Variants in CHD7 observed in about 807,000 individuals in gnomAD.
CHD7 encodes the protein ATP-dependent chromatin remodeler CHD7.
CHD7 carries 24 observed loss-of-function variants against 307.3 expected under a neutral mutation model. The observed-to-expected ratio is 0.08, with a 90% confidence interval of 0.06 to 0.11. CHD7 has a LOEUF of 0.11. Among genes scored for constraint, CHD7 ranks in the 10% least tolerant of loss-of-function variants. CHD7 has a pLI of 1.00. For missense variants in CHD7, 3,106 were observed against 3,727.1 expected (o/e 0.83, Z 4.34); for synonymous variants, 1,363 against 1,349.9 (o/e 1.01, Z -0.21).
At chr8:60,788,103 T>C (rs1811589162) in intron 3 of CHD7, among the ~76,000 whole-genome samples, 1 of 151,798 alleles carries the variant, frequency 6.6e-6, no homozygotes, top group Non-Finnish European at 1.5e-5. Context: ...ATTACAGGTG[T>C]GATCACTGCA....
At position 60,830,587 on chromosome 8, in the gene CHD7, C is replaced by T. The variant is rs756438089; in HGVS notation, c.3778+10C>T. ...CCGTACCTTATCAATGGTAAGGCTG[C>T]CCTGCTCGCGAACTTGCTTAAGTGA... On this transcript the variant is annotated intron_variant, in intron 15 of 37. Transcript: ENST00000423902. 11 of 1,608,610 alleles carry T rather than the reference C, an allele frequency of 6.8e-6. No homozygotes were observed. The East Asian group carries it at 1.3e-4, about 20-fold the overall frequency.
chr8:60,715,558 A>T (rs924070892), intron 1 of CHD7, among the ~76,000 whole-genome samples: 1 of 151,946 alleles, frequency 6.6e-6, no homozygotes, highest in Non-Finnish European at 1.5e-5. Flanking sequence ...ATCTCAGGGG[A>T]TCCGCCTGCC....
intron 2 of CHD7, among the ~76,000 whole-genome samples, chr8:60,774,008 T>G (rs747218402): frequency 6.6e-6 from 1 of 152,232 alleles, no homozygotes; most frequent in Non-Finnish European, 1.5e-5. Context: ...GGTTAGGATC[T>G]TAAATAGAAG....
At chr8:60,793,954 C>CT (rs1189822398) in intron 3 of CHD7, among the ~76,000 whole-genome samples, 1 of 152,098 alleles carries the variant, frequency 6.6e-6, no homozygotes, top group Non-Finnish European at 1.5e-5. Flanking sequence ...GAAAGCCCGT[C>CT]TCTACTAAAA....
At chr8:60,799,900 C>T (rs1812212427) in intron 4 of CHD7, among the ~76,000 whole-genome samples, 3 of 152,090 alleles carry the variant, frequency 2.0e-5, no homozygotes, top group African/African-American at 7.2e-5. Context: ...CTCCAGATTT[C>T]CACCCATTTC....
At chr8:60,690,948 G>A (rs1310431588) in intron 1 of CHD7, among the ~76,000 whole-genome samples, 1 of 151,958 alleles carries the variant, frequency 6.6e-6, no homozygotes, top group African/African-American at 2.4e-5. Context: ...TCTTTTTGAC[G>A]GAGTCCTGCT....
At chr8:60,712,949 G>T (rs1028221884) in intron 1 of CHD7, among the ~76,000 whole-genome samples, 4 of 151,044 alleles carry the variant, frequency 2.6e-5, no homozygotes, top group Non-Finnish European at 4.4e-5. Context: ...TACCTGGGGG[G>T]CTGAGACAGG....
intron 3 of CHD7, among the ~76,000 whole-genome samples, chr8:60,783,232 A>G (rs939455705): frequency 6.6e-6 from 1 of 152,232 alleles, no homozygotes; most frequent in Non-Finnish European, 1.5e-5. Flanking sequence ...TTAAAAACTT[A>G]CTTAGCATAC....
At chr8:60,848,027 T>A (rs1467307819) in intron 23 of CHD7, among the ~76,000 whole-genome samples, 1 of 152,174 alleles carries the variant, frequency 6.6e-6, no homozygotes, top group Non-Finnish European at 1.5e-5. Flanking sequence ...TATTGAGGGT[T>A]TATTGTAAGG....
At chr8:60,863,648 A>G (rs911184400) in intron 37 of CHD7, 1 of 152,162 alleles carries the variant, frequency 6.6e-6, no homozygotes, top group African/African-American at 2.4e-5. Context: ...AATATCCAAA[A>G]TAACACATTA....
In CHD7 at chr8:60,738,243, A is replaced by G. The variant is rs111881832; in HGVS notation, c.-174-3016A>G. Among the ~76,000 whole-genome samples, 478 of 152,362 alleles carry G rather than the reference A, an allele frequency of 3.1e-3. 2 individuals carry two copies. The highest frequency in any genetic ancestry group is 5.3e-3 in the Non-Finnish European group (359 of 68,040). The stretch of plus-strand genomic sequence containing the variant: ...ATTACATACTGGGTTTCAAAGACTC[A>G]ATACCAAAATACGTAAACTAGCTTA... On this transcript the variant is annotated intron_variant, in intron 1 of 37. Transcript: ENST00000423902.
intron 1 of CHD7, among the ~76,000 whole-genome samples, chr8:60,718,564 T>C (rs1362949534): frequency 6.6e-6 from 1 of 152,156 alleles, no homozygotes; most frequent in South Asian, 2.1e-4. Context: ...AATAAAGATA[T>C]AAAGAAAGAA....
chr8:60,727,676 A>G (rs1005205445), intron 1 of CHD7, among the ~76,000 whole-genome samples: 5 of 151,840 alleles, frequency 3.3e-5, no homozygotes, highest in Admixed American at 6.6e-5. Context: ...GTCATTCTAA[A>G]TATGCTTTTG....
chr8:60,695,051 C>T (rs1806400995), intron 1 of CHD7, among the ~76,000 whole-genome samples: 1 of 152,002 alleles, frequency 6.6e-6, no homozygotes, highest in African/African-American at 2.4e-5. Flanking sequence ...AAAGACACAG[C>T]CATGGACATT....
At chr8:60,831,500 A>C (rs1804519178) in intron 15 of CHD7, among the ~76,000 whole-genome samples, 1 of 152,074 alleles carries the variant, frequency 6.6e-6, no homozygotes, top group South Asian at 2.1e-4. Flanking sequence ...GAATTCCTTA[A>C]AGGCTAGTGC....
intron 1 of CHD7, among the ~76,000 whole-genome samples, chr8:60,681,970 G>GT (rs779545396): frequency 2.8e-4 from 42 of 152,126 alleles, no homozygotes; most frequent in Non-Finnish European, 5.4e-4. Flanking sequence ...TTTTAAATTA[G>GT]TTTTTTTAAA....
chr8:60,698,736 C>G (rs755855393), intron 1 of CHD7, among the ~76,000 whole-genome samples: 13 of 152,178 alleles, frequency 8.5e-5, no homozygotes, highest in Non-Finnish European at 1.5e-4. Context: ...TAAAGATTTG[C>G]AGAGCCTTGA....
chr8:60,725,692 G>A (rs1808127311), intron 1 of CHD7, among the ~76,000 whole-genome samples: 1 of 152,218 alleles, frequency 6.6e-6, no homozygotes, highest in South Asian at 2.1e-4. Flanking sequence ...TTACAGTTGT[G>A]TGGCAGAGAG....
In CHD7 at chr8:60,795,080, C is replaced by G; in HGVS notation, c.2191C>G (p.Pro731Ala). ...GSENSDLDKT[P>A]PPSPPPEEDE... ...TGAAAATTCAGACTTAGACAAAACA[C>G]CCCCACCATCTCCTCCTCCTGAAGA... Residue 731 changes from proline (P) to alanine (A), a missense_variant, in exon 4 of 38, where the codon CCC becomes GCC. Pro to Ala is a conservative substitution (Grantham distance 27, BLOSUM62 -1). Coordinates refer to ENST00000423902, the MANE Select transcript of CHD7 (RefSeq NM_017780.4). 1 of 1,613,784 alleles carries G rather than the reference C, an allele frequency of 6.2e-7. No homozygotes were observed. Among genetic ancestry groups the G allele is most frequent in the Non-Finnish European group, 8.5e-7 (1 of 1,179,746 alleles).
Sources: allele counts gnomAD v4.1 joint callset (sites outside exome capture counted in the v4.1 genomes callset), GRCh38; gene constraint gnomAD v4.1.1; transcripts MANE v1.5; gene names NCBI Gene and HGNC (gene_info 2026-07-23, HGNC 2026-07-21).